Variants in ADD2 observed in about 807,000 individuals in gnomAD.
The protein encoded by ADD2 is adducin 2, also known as beta-adducin.
A neutral mutation model predicts 83.0 loss-of-function variants in ADD2; 23 were observed. The observed-to-expected ratio is 0.28, with a 90% CI of 0.20 to 0.39. The LOEUF is 0.39. ADD2 is among the 10% of genes least tolerant of loss of function. The pLI is 1.00. For missense variants in ADD2, 758 were observed against 944.9 expected (o/e 0.80, Z 2.59); for synonymous variants, 375 against 375.4 (o/e 1.00, Z 0.01).
chr2:70,668,310 G>C (rs1436409536), intron 15 of ADD2, among the ~76,000 whole-genome samples: 2 of 151,768 alleles, frequency 1.3e-5, no homozygotes, highest in African/African-American at 2.4e-5. Flanking sequence ...AGCTTCCTAG[G>C]CACCACCCCT....
chr2:70,763,631 A>G lies in ADD2; in HGVS notation c.-154+4255T>C, dbSNP rs1005784613. On this transcript the variant is annotated intron_variant, in intron 1 of 15. Coordinates refer to ENST00000264436, the MANE Select transcript of ADD2 (RefSeq NM_001617.4). ...AATGCCAAAACAATGTACAAATACA[A>G]CTATCCACTTTAAAATATCAAAGTA... 1.1e-4 allele frequency among the ~76,000 whole-genome samples: 16 copies of G among 152,018 alleles called. 1 individual carries two copies. Among genetic ancestry groups the G allele is most frequent in the African/African-American group, 3.4e-4 (14 of 41,264 alleles).
chr2:70,661,285 C>T lies in ADD2; in HGVS notation c.*2140G>A, dbSNP rs1189890701. The T allele has an allele frequency of 1.3e-5, 2 of 152,236 alleles. No individual in the cohort carries two copies. Among genetic ancestry groups the T allele is most frequent in the Admixed American group, 1.3e-4 (2 of 15,288 alleles). The allele number at this position is 152,236 out of a possible 1,614,324, so 9.4% of individuals were successfully genotyped here. A position where few individuals can be genotyped will look rare whatever the true frequency, so the allele number is the denominator to read the frequency against. On this transcript the variant is annotated 3_prime_UTR_variant, in exon 16 of 16. Coordinates refer to ENST00000264436, the MANE Select transcript of ADD2 (RefSeq NM_001617.4). ...CATAATGATGGCTCTCTTTCAACGT[C>T]AGCATAATGCCTGGTGCTCAGTGGA...
intron 4 of ADD2, among the ~76,000 whole-genome samples, chr2:70,698,788 T>C (rs1016918009): frequency 5.3e-5 from 8 of 152,154 alleles, no homozygotes; most frequent in African/African-American, 1.9e-4. Flanking sequence ...TGGCTAAATG[T>C]CACGTTTATA....
chr2:70,687,940 C>T, intron 9 of ADD2, 84 bp downstream of exon 9: 1 of 997,020 alleles, frequency 1.0e-6, no homozygotes, highest in Non-Finnish European at 1.6e-6. Context: ...CTCCCTGAAT[C>T]ACAGCCAACA....
intron 1 of ADD2, among the ~76,000 whole-genome samples, chr2:70,730,769 G>A (rs112604633): frequency 1.8e-4 from 27 of 152,240 alleles, no homozygotes; most frequent in East Asian, 5.8e-4. Flanking sequence ...TATTTTTACC[G>A]TACTTTTTCT....
At chr2:70,727,017 C>T (rs1673038803) in intron 1 of ADD2, among the ~76,000 whole-genome samples, 1 of 152,184 alleles carries the variant, frequency 6.6e-6, no homozygotes, top group East Asian at 1.9e-4. Flanking sequence ...GGGCCACAGC[C>T]AAATGGTCAC....
Position 70,706,325 on chromosome 2 carries a change from G to A in ADD2, c.84C>T (p.Asp28=). ...GGTTGCGAAGGCGCATGTACTCGGG[G>A]TCGTCCTCTGAGAAGCGGTCAAAGT... ...QPYFDRFSED[D]PEYMRLRNRA... Residue 28 remains aspartate (D), a synonymous_variant, in exon 3 of 16, where the codon GAC becomes GAT. Coordinates refer to ENST00000264436, the MANE Select transcript of ADD2 (RefSeq NM_001617.4). This position sits in a 1 kb window ranked among gnomAD's most constrained non-coding sequence, Gnocchi z 5.0. The A allele has an allele frequency of 1.2e-6, 2 of 1,614,054 alleles. No homozygotes were observed. The highest frequency in any genetic ancestry group is 1.7e-6 in the Non-Finnish European group (2 of 1,180,008).
chr2:70,664,803 G>A (rs138078248), intron 15 of ADD2, among the ~76,000 whole-genome samples: 1 of 151,998 alleles, frequency 6.6e-6, no homozygotes. Context: ...GTGTAAGTGT[G>A]TAAGTTTGAG....
intron 15 of ADD2, among the ~76,000 whole-genome samples, chr2:70,667,637 G>A (rs965036485): frequency 4.6e-5 from 7 of 152,074 alleles, no homozygotes; most frequent in African/African-American, 1.7e-4. Context: ...CTTTTTGGTG[G>A]GGGGATGGAA....
chr2:70,676,894 A>C lies in ADD2; in HGVS notation c.1504-9T>G. 1 of 1,611,364 alleles carries C rather than the reference A, an allele frequency of 6.2e-7. No homozygotes were observed. Among genetic ancestry groups the C allele is most frequent in the Non-Finnish European group, 8.5e-7 (1 of 1,177,986 alleles). On this transcript the variant is annotated splice_polypyrimidine_tract_variant and intron_variant, in intron 12 of 15. Transcript: ENST00000264436. The surrounding 1 kb of genome is among the most constrained non-coding windows in gnomAD (Gnocchi z 4.8). ...CGGTTTTGTTCTCGAATCTGTGTGG[A>C]AAGGGGAGAGGAAGAGTGAGCTGGC...
chr2:70,707,331 T>G (rs1398046631), intron 2 of ADD2, among the ~76,000 whole-genome samples: 1 of 152,244 alleles, frequency 6.6e-6, no homozygotes, highest in Non-Finnish European at 1.5e-5. Context: ...GGTGCCATGC[T>G]GCCCGGCTGC....
At chr2:70,716,902 T>C (rs985123256) in intron 1 of ADD2, among the ~76,000 whole-genome samples, 4 of 152,086 alleles carry the variant, frequency 2.6e-5, no homozygotes, top group Non-Finnish European at 4.4e-5. Context: ...CAGCAACAGA[T>C]TGCAACTCTT....
chr2:70,746,290 C>T (rs1674190650), intron 1 of ADD2, among the ~76,000 whole-genome samples: 1 of 152,162 alleles, frequency 6.6e-6, no homozygotes, highest in South Asian at 2.1e-4. Context: ...AATTATTTAC[C>T]ATGGTAAATC....
At chr2:70,749,143 G>T (rs1674381128) in intron 1 of ADD2, among the ~76,000 whole-genome samples, 1 of 152,136 alleles carries the variant, frequency 6.6e-6, no homozygotes, top group African/African-American at 2.4e-5. Flanking sequence ...TCACAAGGCG[G>T]CAGGAGAAAG....
At chr2:70,737,469 G>A (rs1338687950) in intron 1 of ADD2, among the ~76,000 whole-genome samples, 25 of 150,368 alleles carry the variant, frequency 1.7e-4, no homozygotes, top group Non-Finnish European at 2.4e-4. Context: ...GCAGACTATC[G>A]CAAGGACAAA....
intron 2 of ADD2, among the ~76,000 whole-genome samples, chr2:70,711,795 G>A (rs6758163): frequency 0.35 from 52,736 of 151,922 alleles, 9,936 homozygotes; most frequent in African/African-American, 0.51. Flanking sequence ...CCATACTTTC[G>A]GTGAGTTCTG....
intron 1 of ADD2, among the ~76,000 whole-genome samples, chr2:70,747,409 T>TCATGCCATGTGCTCTCCCA (rs1674270008): frequency 2.1e-5 from 3 of 145,710 alleles, no homozygotes; most frequent in South Asian, 2.3e-4. Context: ...TGCTCTCCCA[T>TCATGCCATGTGCTCTCCCA]CATGCCATGT....
intron 1 of ADD2, among the ~76,000 whole-genome samples, chr2:70,720,095 GT>G (rs201517913): frequency 2.0e-5 from 3 of 152,090 alleles, no homozygotes; most frequent in East Asian, 1.9e-4. Context: ...GTTTTGTGGG[GT>G]TTTTTTTACT....
chr2:70,687,967 C>T, intron 9 of ADD2, 57 bp downstream of exon 9: 1 of 1,394,444 alleles, frequency 7.2e-7, no homozygotes, highest in Non-Finnish European at 1.0e-6. Context: ...CCACGTTTGC[C>T]CACAGGCCCC....
Sources: gnomAD v4.1 joint callset for allele counts (sites outside exome capture counted in the v4.1 genomes callset) on GRCh38, gnomAD v4.1.1 for gene constraint, Gnocchi (gnomAD v3.1) non-coding constraint, MANE v1.5 for transcripts, NCBI Gene and HGNC (gene_info 2026-07-23, HGNC 2026-07-21) for gene names.